Variants in SGCA observed in about 807,000 individuals in gnomAD.
SGCA encodes alpha-sarcoglycan.
SGCA carries 34 observed loss-of-function variants against 38.1 expected under a neutral mutation model. That is an observed-to-expected ratio of 0.89 (90% CI 0.68 to 1.19). SGCA has a LOEUF of 1.19. Ranked by LOEUF, SGCA falls within the 50% of genes most tolerant of loss-of-function variation. SGCA has a pLI of 0.00. For synonymous variants in SGCA, 209 were observed against 214.6 expected (o/e 0.97, Z 0.23); for missense variants, 476 against 524.9 (o/e 0.91, Z 0.91).
chr17:50,168,072 C>G, intron 4 of SGCA, 53 bp downstream of exon 4: 1 of 1,519,744 alleles, frequency 6.6e-7, no homozygotes, highest in South Asian at 1.1e-5. Context: ...CTTGGGGAAT[C>G]TCTCCCGGAG....
intron 5 of SGCA, 130 bp from the exon 6 acceptor site, chr17:50,168,962 C>G (rs1219827107): frequency 1.2e-6 from 1 of 836,386 alleles, no homozygotes; most frequent in Non-Finnish European, 2.0e-6. Flanking sequence ...AATCCTCCCT[C>G]TTAGGCGTCT....
At position 50,167,460 on chromosome 17, in the gene SGCA, A is replaced by T; in HGVS notation, c.130A>T (p.Thr44Ser). 1 of 1,614,056 alleles carries T rather than the reference A, an allele frequency of 6.2e-7. No homozygotes were observed. The highest frequency in any genetic ancestry group is 1.7e-5 in the Admixed American group (1 of 60,024). The change falls in exon 2 of 10, where the codon ACG becomes TCG. Residue 44 changes from threonine to serine, a missense_variant. Physicochemically the swap from Thr to Ser is moderately conservative, Grantham distance 58. Transcript: ENST00000262018. This position sits in a 1 kb window ranked among gnomAD's most constrained non-coding sequence, Gnocchi z 4.5. ...CTTTGTGCACACCTTGGACCATGAG[A>T]CGTTTCTGAGCCTTCCTGAGCATGT... ...RVFVHTLDHE[T>S]FLSLPEHVAV...
chr17:50,175,165 G>C lies in SGCA; in HGVS notation c.984-92G>C, dbSNP rs867562681. ...TGAGTCTCTCCCCACATAAGTGGTG[G>C]GGAGGACCGCAGGGTGGCTCAGAGG... is the stretch of plus-strand genomic sequence containing the variant. On this transcript the variant is annotated intron_variant, in intron 8 of 9. Transcript: ENST00000262018. The C allele has an allele frequency of 2.0e-5, 24 of 1,176,434 alleles. No individual in the cohort carries two copies. The Middle Eastern group carries it at 1.4e-3, about 71-fold the overall frequency. The allele number at this position is 1,176,434 out of a possible 1,614,324, so 72.9% of individuals were successfully genotyped here.
At position 50,167,445 on chromosome 17, in the gene SGCA, A is replaced by G. The variant is rs540292629; in HGVS notation, c.115A>G (p.Thr39Ala). Residue 39 changes from threonine to alanine, a missense_variant, in exon 2 of 10, where the codon ACC (threonine) becomes GCC (alanine). By Grantham distance (58) the Thr-to-Ala change is moderately conservative. Coordinates refer to ENST00000262018, the MANE Select transcript of SGCA (RefSeq NM_000023.4). The surrounding 1 kb of genome is among the most constrained non-coding windows in gnomAD (Gnocchi z 4.5). ...ACTTGTGGGCCGTGTCTTTGTGCACACCTTGGACCATGAGACGTTTCTGAG... is the reference window on the plus strand; with the variant it reads ...ACTTGTGGGCCGTGTCTTTGTGCACGCCTTGGACCATGAGACGTTTCTGAG... ...HPLVGRVFVH[T>A]LDHETFLSLP... 3.3e-5 allele frequency: 54 copies of G among 1,614,048 alleles called. No homozygotes were observed. The African/African-American group carries it at 6.5e-4, about 20-fold the overall frequency.
Position 50,167,787 on chromosome 17 carries a change from C to T in SGCA, c.312+51C>T, listed in dbSNP as rs770840649. 1 of 1,592,276 alleles carries T rather than the reference C, an allele frequency of 6.3e-7. No homozygotes were observed. The highest frequency in any genetic ancestry group is 8.6e-7 in the Non-Finnish European group (1 of 1,163,324). ...CACAGGGGTGGGCCAGAGTGGCCTC[C>T]TAGGAGCAGCCCTATGAATTGGGAT... is the stretch of plus-strand genomic sequence containing the variant. On this transcript the variant is annotated intron_variant, in intron 3 of 9. Transcript: ENST00000262018. The surrounding 1 kb of genome is among the most constrained non-coding windows in gnomAD (Gnocchi z 4.5).
At chr17:50,166,247 G>A (rs1904792785) in intron 1 of SGCA, 170 bp downstream of exon 1, 2 of 667,610 alleles carry the variant, frequency 3.0e-6, no homozygotes, top group South Asian at 1.7e-5. Context: ...TCCAGGGAAT[G>A]GGGCTGGGAG....
chr17:50,167,226 C>T lies in SGCA; in HGVS notation c.38-142C>T. ...GCAGGGCTTGCTCCCCCATCCCCAC[C>T]CCAATCCCTTCCTGGGAGGCAGCAA... On this transcript the variant is annotated intron_variant, in intron 1 of 9. Coordinates refer to ENST00000262018, the MANE Select transcript of SGCA (RefSeq NM_000023.4). The surrounding 1 kb of genome is among the most constrained non-coding windows in gnomAD (Gnocchi z 4.5). The T allele has an allele frequency of 8.1e-7, 1 of 1,228,434 alleles. No homozygotes were observed. Among genetic ancestry groups the T allele is most frequent in the Non-Finnish European group, 1.1e-6 (1 of 873,072 alleles). The allele number at this position is 1,228,434 out of a possible 1,614,324, so 76.1% of individuals were successfully genotyped here.
At chr17:50,175,488 C>T (rs750016201) in intron 9 of SGCA, 39 bp downstream of exon 9, 3 of 1,556,570 alleles carry the variant, frequency 1.9e-6, no homozygotes, top group Non-Finnish European at 2.6e-6. Context: ...TTTCTGGGAA[C>T]AAGATGGCCT....
intron 6 of SGCA, chr17:50,169,808 T>C (rs1905228903): frequency 2.2e-6 from 1 of 447,216 alleles, no homozygotes; most frequent in Non-Finnish European, 4.2e-6. Flanking sequence ...CAGCGACTGG[T>C]AATTGACAAC....
chr17:50,168,156 CT>C, intron 4 of SGCA, 137 bp downstream of exon 4: 1 of 895,108 alleles, frequency 1.1e-6, no homozygotes, highest in Non-Finnish European at 1.8e-6. Flanking sequence ...GGACAAGGCT[CT>C]CAGGGAATGG....
intron 8 of SGCA, chr17:50,171,958 C>T (rs1454674886): frequency 2.0e-5 from 9 of 456,618 alleles, no homozygotes; most frequent in African/African-American, 2.0e-5. Context: ...GCCCTGCTGG[C>T]CTCCACCCAT....
Position 50,169,221 on chromosome 17 carries a change from C to G in SGCA, c.714C>G (p.Pro238=), listed in dbSNP as rs2144498471. The change falls in exon 6 of 10, where the codon CCC becomes CCG. Residue 238 remains proline, a synonymous_variant. Coordinates refer to ENST00000262018, the MANE Select transcript of SGCA (RefSeq NM_000023.4). ...TGTCTTGCTACGACACCTTGGCACC[C>G]CACTTCCGCGTTGACTGGTGCAATG... ...PLLSCYDTLA[P]HFRVDWCNVT... 6.2e-7 allele frequency: 1 copy of G among 1,613,974 alleles called. No homozygotes were observed.
chr17:50,168,991 G>C lies in SGCA; in HGVS notation c.585-101G>C, dbSNP rs572881881. On this transcript the variant is annotated intron_variant, in intron 5 of 9. Transcript: ENST00000262018. ...GGCGTCTCCCTCATCCCATCCCCAG[G>C]TCATAGCCTACAATTAGGAAAGTTT... 8.2e-6 allele frequency: 9 copies of C among 1,096,546 alleles called. No individual in the cohort carries two copies. In the African/African-American group the frequency reaches 1.4e-4, roughly 17 times the overall value. The allele number at this position is 1,096,546 out of a possible 1,614,324, so 67.9% of individuals were successfully genotyped here. A position where few individuals can be genotyped will look rare whatever the true frequency, so the allele number is the denominator to read the frequency against.
intron 8 of SGCA, chr17:50,171,687 G>A (rs1281621466): frequency 1.3e-5 from 6 of 456,678 alleles, no homozygotes; most frequent in Non-Finnish European, 2.6e-5. Context: ...TCTTGCCCAG[G>A]GTGAAGGAGC....
chr17:50,169,069 CAG>C, intron 5 of SGCA, 21 bp from the exon 6 acceptor site: 1 of 1,612,886 alleles, frequency 6.2e-7, no homozygotes, highest in Non-Finnish European at 8.5e-7. Context: ...ACTCTGCTGA[CAG>C]TGACTTCTAT....
rs761732772 is a variant in SGCA, at chr17:50,167,591, C to T, written c.167C>T (p.Pro56Leu). ...LSLPEHVAVP[P>L]AVHITYHAHL... The stretch of plus-strand genomic sequence containing the variant: ...TCCTCGCTTCCACCAGCTGTCCCAC[C>T]CGCTGTCCACATCACCTACCACGCC... Residue 56 changes from proline (P) to leucine (L), a missense_variant, in exon 3 of 10, where the codon CCC becomes CTC. Physicochemically the swap from Pro to Leu is moderately conservative, Grantham distance 98. Coordinates refer to ENST00000262018, the MANE Select transcript of SGCA (RefSeq NM_000023.4). This position sits in a 1 kb window ranked among gnomAD's most constrained non-coding sequence, Gnocchi z 4.5. 1 of 1,613,528 alleles carries T rather than the reference C, an allele frequency of 6.2e-7. No individual in the cohort carries two copies. Among genetic ancestry groups the T allele is most frequent in the South Asian group, 1.1e-5 (1 of 91,078 alleles).
rs1243979605 is a variant in SGCA, at chr17:50,167,874, C to T, written c.313-73C>T. 43 of 1,543,826 alleles carry T rather than the reference C, an allele frequency of 2.8e-5. No homozygotes were observed. Among genetic ancestry groups the T allele is most frequent in the Non-Finnish European group, 1.9e-5 (21 of 1,116,172 alleles). ...ATACCTCTAATTTGGTATCTGAGTC[C>T]TCTCCTGCCAGGCCCCCGCTGTGCC... On this transcript the variant is annotated intron_variant, in intron 3 of 9. Transcript: ENST00000262018. This position sits in a 1 kb window ranked among gnomAD's most constrained non-coding sequence, Gnocchi z 4.5.
Position 50,170,264 on chromosome 17 carries a change from C to T in SGCA, c.869C>T (p.Ala290Val), listed in dbSNP as rs373312721. The T allele has an allele frequency of 2.5e-5, 41 of 1,614,088 alleles. No individual in the cohort carries two copies. Among genetic ancestry groups the T allele is most frequent in the Non-Finnish European group, 3.5e-5 (41 of 1,180,034 alleles). The part of the protein sequence containing the change: ...EAPDRDFLVD[A>V]LVTLLVPLLV... ...CCAGACCGTGACTTCTTGGTGGATG[C>T]TCTGGTCACCCTCCTGGTGCCCCTG... is the stretch of plus-strand genomic sequence containing the variant. The change falls in exon 7 of 10, where the codon GCT becomes GTT. Residue 290 changes from alanine (A) to valine (V), a missense_variant. Transcript: ENST00000262018.
chr17:50,171,794 G>A (rs980324276), intron 8 of SGCA: 13 of 456,650 alleles, frequency 2.8e-5, no homozygotes, highest in African/African-American at 1.6e-4. Flanking sequence ...GTCGTAGCCC[G>A]TGGTGGAAAC....
Sources: allele counts gnomAD v4.1 joint callset, GRCh38; gene constraint gnomAD v4.1.1; non-coding constraint Gnocchi (gnomAD v3.1); transcripts MANE v1.5; gene names NCBI Gene and HGNC (gene_info 2026-07-23, HGNC 2026-07-21).